Variants in SIPA1L1 observed in about 807,000 individuals in gnomAD.
SIPA1L1 encodes the protein signal-induced proliferation-associated 1-like protein 1.
Under a neutral mutation model 162.7 loss-of-function variants are expected in SIPA1L1, and 26 were observed. The ratio of observed to expected loss-of-function variants is 0.16; its 90% CI spans 0.12 to 0.22. The LOEUF (loss-of-function observed/expected upper bound fraction) is 0.22. Ranked by LOEUF, SIPA1L1 falls within the 10% of genes least tolerant of loss-of-function variation. The pLI, the probability that SIPA1L1 is intolerant of heterozygous loss-of-function variation, is 1.00. For synonymous variants in SIPA1L1, 829 were observed against 837.4 expected (o/e 0.99, Z 0.17); for missense variants, 1,874 against 2,241.0 (o/e 0.84, Z 3.31).
intron 2 of SIPA1L1, among the ~76,000 whole-genome samples, chr14:71,408,085 T>C (rs1328635371): frequency 3.3e-5 from 5 of 152,252 alleles, no homozygotes; most frequent in Non-Finnish European, 7.3e-5. Context: ...GTTCTGGAGA[T>C]ACCTCTACCA....
At chr14:71,630,149 C>T (rs1467766167) in intron 7 of SIPA1L1, among the ~76,000 whole-genome samples, 2 of 152,162 alleles carry the variant, frequency 1.3e-5, no homozygotes, top group East Asian at 1.9e-4. Context: ...TTAGCTAATG[C>T]ATGTTTAGAG....
In SIPA1L1 at chr14:71,588,882, A is replaced by C; in HGVS notation, c.1010A>C (p.Gln337Pro). The change falls in exon 5 of 24, where the codon CAG (glutamine) becomes CCG (proline). Residue 337 changes from glutamine to proline, a missense_variant. Around this residue, in one of 5 missense-constraint regions of SIPA1L1, gnomAD observed 685 missense variants for 828.0 expected, o/e 0.83. Coordinates refer to ENST00000381232, the MANE Select transcript of SIPA1L1 (RefSeq NM_001386936.1). The surrounding 1 kb of genome is among the most constrained non-coding windows in gnomAD (Gnocchi z 4.3). ...CPKCFAHYDVQSILFDLNEAI... is the reference protein window; with the variant it reads ...CPKCFAHYDVPSILFDLNEAI... ...AAGTGCTTTGCCCACTATGATGTCC[A>C]GAGTATATTATTTGATTTGAATGAG... is the stretch of plus-strand genomic sequence containing the variant. 6.2e-7 allele frequency: 1 copy of C among 1,614,138 alleles called. No homozygotes were observed. The highest frequency in any genetic ancestry group is 8.5e-7 in the Non-Finnish European group (1 of 1,179,994).
chr14:71,696,899 G>A (rs898420966), intron 13 of SIPA1L1, among the ~76,000 whole-genome samples: 2 of 152,190 alleles, frequency 1.3e-5, no homozygotes, highest in Non-Finnish European at 2.9e-5. Context: ...AGTAGCAAAG[G>A]AAGAAGGCAT....
At chr14:71,477,432 G>A (rs1282401737) in intron 2 of SIPA1L1, among the ~76,000 whole-genome samples, 3 of 152,028 alleles carry the variant, frequency 2.0e-5, no homozygotes, top group East Asian at 1.9e-4. Context: ...GCTGGTCTCC[G>A]ATAGTGTTCT....
chr14:71,510,996 A>G (rs188506012), intron 2 of SIPA1L1, among the ~76,000 whole-genome samples: 1 of 152,228 alleles, frequency 6.6e-6, no homozygotes, highest in East Asian at 1.9e-4. Flanking sequence ...AGTTTAGTAT[A>G]CTTACCATTG....
At chr14:71,409,206 T>C (rs1185608806) in intron 2 of SIPA1L1, among the ~76,000 whole-genome samples, 1 of 152,206 alleles carries the variant, frequency 6.6e-6, no homozygotes, top group African/African-American at 2.4e-5. Context: ...AGTCTATAAA[T>C]AAGGGTGCCT....
chr14:71,367,605 G>C (rs56169848), intron 2 of SIPA1L1, among the ~76,000 whole-genome samples: 20,918 of 137,160 alleles, frequency 0.15, 1,612 homozygotes, highest in East Asian at 0.28. Context: ...ACCGTGCCCG[G>C]CCTTTTTTTT....
At chr14:71,589,516 G>A (rs2034994731) in intron 5 of SIPA1L1, 146 bp downstream of exon 5, 1 of 567,776 alleles carries the variant, frequency 1.8e-6, no homozygotes, top group South Asian at 2.9e-5. Context: ...ATAACCATTT[G>A]CTCAATTTAT....
At chr14:71,446,915 T>TTG (rs1555425874) in intron 2 of SIPA1L1, among the ~76,000 whole-genome samples, 2 of 124,486 alleles carry the variant, frequency 1.6e-5, no homozygotes, top group African/African-American at 7.5e-5. Flanking sequence ...TGTTTTTTTT[T>TTG]TTTTTTTTTT....
chr14:71,481,073 A>C (rs2048318582), intron 2 of SIPA1L1, among the ~76,000 whole-genome samples: 1 of 152,216 alleles, frequency 6.6e-6, no homozygotes, highest in Non-Finnish European at 1.5e-5. Context: ...GTTACTTTAA[A>C]AAATGTCTAA....
In SIPA1L1 at chr14:71,563,464, T is replaced by C. The variant is rs532404066; in HGVS notation, c.-302-24107T>C. On this transcript the variant is annotated intron_variant, in intron 4 of 23. Transcript: ENST00000381232. ...TAATTTGCTTTTGTTTTTGCACTTA[T>C]ATTACTAAGGTGTTTTTTAAAACTA... is the stretch of plus-strand genomic sequence containing the variant. Among the ~76,000 whole-genome samples the C allele has an allele frequency of 1.2e-4, 18 of 152,344 alleles. 1 individual carries two copies. Among genetic ancestry groups the C allele is most frequent in the Admixed American group, 9.8e-4 (15 of 15,302 alleles).
At chr14:71,556,703 A>G (rs1413634674) in intron 4 of SIPA1L1, among the ~76,000 whole-genome samples, 1 of 152,266 alleles carries the variant, frequency 6.6e-6, no homozygotes, top group East Asian at 1.9e-4. Flanking sequence ...CCACCTTCCA[A>G]GAACTTCTAC....
chr14:71,510,111 T>C (rs1015389134), intron 2 of SIPA1L1, among the ~76,000 whole-genome samples: 2 of 151,726 alleles, frequency 1.3e-5, no homozygotes, highest in African/African-American at 4.8e-5. Flanking sequence ...GAACCAAAAA[T>C]CTTTTCTCTT....
In SIPA1L1 at chr14:71,610,978, T is replaced by A. The variant is rs2038142317; in HGVS notation, c.1499-7779T>A. 2.0e-5 allele frequency among the ~76,000 whole-genome samples: 3 copies of A among 152,352 alleles called. No individual in the cohort carries two copies. The South Asian group carries it at 6.2e-4, about 32-fold the overall frequency. ...AACAGTAATTATAAGCTTAGTGCCA[T>A]GCTTTGGGACAGAATTCTGGCATGT... On this transcript the variant is annotated intron_variant, in intron 5 of 23. Coordinates refer to ENST00000381232, the MANE Select transcript of SIPA1L1 (RefSeq NM_001386936.1).
intron 5 of SIPA1L1, among the ~76,000 whole-genome samples, chr14:71,606,363 A>G (rs1596379072): frequency 6.6e-6 from 1 of 152,204 alleles, no homozygotes; most frequent in East Asian, 1.9e-4. Context: ...CCCTGGTGGT[A>G]GCAGTTTGCT....
chr14:71,427,764 G>A (rs1306321641), intron 2 of SIPA1L1, among the ~76,000 whole-genome samples: 1 of 151,628 alleles, frequency 6.6e-6, no homozygotes, highest in Non-Finnish European at 1.5e-5. Context: ...TCTGGATTTT[G>A]CATCTCTTTA....
chr14:71,371,210 A>G (rs900756633), intron 2 of SIPA1L1, among the ~76,000 whole-genome samples: 1 of 152,146 alleles, frequency 6.6e-6, no homozygotes, highest in African/African-American at 2.4e-5. Flanking sequence ...ACTTGTTAGA[A>G]CATTGGGCAG....
intron 3 of SIPA1L1, among the ~76,000 whole-genome samples, chr14:71,518,281 C>CA (rs71448370): frequency 0.19 from 26,013 of 138,702 alleles, 2,664 homozygotes; most frequent in Middle Eastern, 0.38. Flanking sequence ...GAGACTGTCT[C>CA]AAAAAAAAAA....
chr14:71,404,138 A>G (rs2041878993), intron 2 of SIPA1L1, among the ~76,000 whole-genome samples: 1 of 152,176 alleles, frequency 6.6e-6, no homozygotes, highest in Admixed American at 6.5e-5. Context: ...ACTATAGTCA[A>G]CTTTTTGTAA....
Sources: gnomAD v4.1 joint callset for allele counts (sites outside exome capture counted in the v4.1 genomes callset) on GRCh38, gnomAD v4.1.1 for gene constraint, gnomAD v4.1.1 regional missense constraint, Gnocchi (gnomAD v3.1) non-coding constraint, MANE v1.5 for transcripts, NCBI Gene and HGNC (gene_info 2026-07-23, HGNC 2026-07-21) for gene names.